Variants in GALNT13 observed in about 807,000 individuals in gnomAD.
GALNT13 encodes the protein UDP-GalNAc:polypeptide N-acetylgalactosaminyltransferase 13.
A neutral mutation model predicts 64.2 loss-of-function variants in GALNT13; 28 were observed. That is an observed-to-expected ratio of 0.44 (90% CI 0.32 to 0.60). The LOEUF (loss-of-function observed/expected upper bound fraction) is 0.60. GALNT13 is among the 20% of genes least tolerant of loss of function. The probability of loss-of-function intolerance (pLI) is 0.05; values close to 1 mark genes in which losing one functional copy is unlikely to be tolerated. For synonymous variants in GALNT13, 214 were observed against 224.6 expected (o/e 0.95, Z 0.42); for missense variants, 577 against 669.8 (o/e 0.86, Z 1.53).
At chr2:153,254,517 A>C in the GALNT13 span, among the ~76,000 whole-genome samples, 20,740 of 151,930 alleles carry the variant, frequency 0.14, 1,686 homozygotes, top group African/African-American at 0.23. Flanking sequence ...CTAGCTTTTG[A>C]ATATGTTTGC....
chr2:153,765,786 G>A, the GALNT13 span, among the ~76,000 whole-genome samples: 1 of 152,088 alleles, frequency 6.6e-6, no homozygotes. Flanking sequence ...GGGCCAAATA[G>A]AGATAATTGA....
intron 9 of GALNT13, among the ~76,000 whole-genome samples, chr2:154,313,613 C>T (rs1477235112): frequency 6.6e-6 from 1 of 151,798 alleles, no homozygotes; most frequent in East Asian, 1.9e-4. Flanking sequence ...CATCACCATG[C>T]CCAGCTAATT....
the GALNT13 span, among the ~76,000 whole-genome samples, chr2:153,403,432 T>G: frequency 6.6e-6 from 1 of 152,186 alleles, no homozygotes; most frequent in Non-Finnish European, 1.5e-5. Flanking sequence ...CAGGCAGGCC[T>G]CCTTGAGCTG....
At chr2:154,137,302 A>AACACACACACACACAC (rs112665813) in intron 3 of GALNT13, among the ~76,000 whole-genome samples, 11 of 148,888 alleles carry the variant, frequency 7.4e-5, no homozygotes, top group African/African-American at 2.7e-4. Flanking sequence ...ACACAGGCAA[A>AACACACACACACACAC]ACACACACAC....
At chr2:154,224,285 C>T (rs1688471648) in intron 4 of GALNT13, among the ~76,000 whole-genome samples, 1 of 151,996 alleles carries the variant, frequency 6.6e-6, no homozygotes, top group African/African-American at 2.4e-5. Flanking sequence ...TTAGGAAATA[C>T]ACATTTAAGC....
intron 8 of GALNT13, among the ~76,000 whole-genome samples, chr2:154,288,630 G>A (rs1196234097): frequency 6.6e-6 from 1 of 152,124 alleles, no homozygotes; most frequent in Non-Finnish European, 1.5e-5. Context: ...CAAATGAAGA[G>A]GCCTACAGGC....
intron 8 of GALNT13, chr2:154,287,336 C>G (rs1355605405): frequency 1.7e-6 from 1 of 600,202 alleles, no homozygotes; most frequent in Non-Finnish European, 3.1e-6. Context: ...AAGTTGGAAG[C>G]AGCGAGACAT....
the GALNT13 span, among the ~76,000 whole-genome samples, chr2:153,598,977 C>T: frequency 1.3e-5 from 2 of 151,990 alleles, no homozygotes; most frequent in African/African-American, 2.4e-5. Flanking sequence ...TTTTTCCATA[C>T]CCATTTCCCT....
intron 4 of GALNT13, among the ~76,000 whole-genome samples, chr2:154,171,593 T>C (rs192662663): frequency 1.1e-3 from 173 of 152,220 alleles, no homozygotes; most frequent in African/African-American, 4.0e-3. Flanking sequence ...AACATACTTT[T>C]CTGAACTCTA....
chr2:154,184,793 A>AT lies in GALNT13; in HGVS notation c.311+44294dup, dbSNP rs564115683. On this transcript the variant is annotated intron_variant, in intron 4 of 12. Transcript: ENST00000392825. ...TGCAAGGACAGTGCCAAACCTTTAC[A>AT]TTTTTTCATATAATATATCATTTAA... Among the ~76,000 whole-genome samples, 1,048 of 152,082 alleles carry AT rather than the reference A, an allele frequency of 6.9e-3. 10 individuals are homozygous for AT. Among genetic ancestry groups the AT allele is most frequent in the African/African-American group, 0.024 (1,012 of 41,520 alleles).
the GALNT13 span, among the ~76,000 whole-genome samples, chr2:153,343,087 A>G: frequency 1.3e-5 from 2 of 152,180 alleles, no homozygotes; most frequent in Admixed American, 1.3e-4. Flanking sequence ...GTTTGTCACT[A>G]CAATATTTGT....
the GALNT13 span, among the ~76,000 whole-genome samples, chr2:153,475,776 A>G: frequency 6.6e-6 from 1 of 152,160 alleles, no homozygotes; most frequent in Non-Finnish European, 1.5e-5. Context: ...GAGCTAATAA[A>G]TCTTCCAGAA....
At chr2:153,851,849 T>C in the GALNT13 span, among the ~76,000 whole-genome samples, 1 of 152,104 alleles carries the variant, frequency 6.6e-6, no homozygotes, top group Non-Finnish European at 1.5e-5. Context: ...GGAACAAAAA[T>C]GTATTGTGAA....
At chr2:154,248,969 T>G (rs1689928403) in intron 7 of GALNT13, among the ~76,000 whole-genome samples, 1 of 152,200 alleles carries the variant, frequency 6.6e-6, no homozygotes, top group South Asian at 2.1e-4. Context: ...GACCCTGGTC[T>G]TAGAGGCTAC....
At chr2:154,402,242 G>A (rs891001833) in intron 10 of GALNT13, among the ~76,000 whole-genome samples, 3 of 152,146 alleles carry the variant, frequency 2.0e-5, no homozygotes, top group Non-Finnish European at 4.4e-5. Flanking sequence ...GATTGGTGGT[G>A]GGGGCGTGGG....
intron 1 of GALNT13, among the ~76,000 whole-genome samples, chr2:153,892,043 G>A (rs759855678): frequency 1.3e-5 from 2 of 152,062 alleles, no homozygotes; most frequent in South Asian, 4.2e-4. Context: ...AATCCCCAAG[G>A]CAAAATTATT....
At chr2:154,240,539 G>A (rs114491556) in intron 4 of GALNT13, among the ~76,000 whole-genome samples, 233 of 152,258 alleles carry the variant, frequency 1.5e-3, no homozygotes, top group African/African-American at 5.3e-3. Context: ...CTCACACGGC[G>A]TGTGATGGGG....
chr2:153,077,062 C>T, the GALNT13 span, among the ~76,000 whole-genome samples: 1 of 152,096 alleles, frequency 6.6e-6, no homozygotes, highest in East Asian at 1.9e-4. Context: ...AGCAATTCTC[C>T]TGCCTCAGCC....
chr2:153,173,912 T>G, the GALNT13 span, among the ~76,000 whole-genome samples: 1 of 152,190 alleles, frequency 6.6e-6, no homozygotes, highest in Non-Finnish European at 1.5e-5. Flanking sequence ...TAAAATACAA[T>G]AGTGGGACCA....
Sources: gnomAD v4.1 joint callset for allele counts (sites outside exome capture counted in the v4.1 genomes callset) on GRCh38, gnomAD v4.1.1 for gene constraint, MANE v1.5 for transcripts, NCBI Gene and HGNC (gene_info 2026-07-23, HGNC 2026-07-21) for gene names.